Variants in TSHZ3 observed in about 807,000 individuals in gnomAD.
TSHZ3 encodes teashirt homolog 3.
In TSHZ3, 10 loss-of-function variants were observed where a neutral mutation model predicts 64.5. That is an observed-to-expected ratio of 0.16 (90% CI 0.10 to 0.26). The LOEUF (loss-of-function observed/expected upper bound fraction) is 0.26. Ranked by LOEUF, TSHZ3 falls within the 10% of genes least tolerant of loss-of-function variation. The probability of loss-of-function intolerance (pLI) is 1.00; values close to 1 mark genes in which losing one functional copy is unlikely to be tolerated. For synonymous variants in TSHZ3, 608 were observed against 593.1 expected (o/e 1.03, Z -0.36); for missense variants, 1,242 against 1,421.7 (o/e 0.87, Z 2.03).
At chr19:31,321,906 G>A (rs865781757) in intron 1 of TSHZ3, among the ~76,000 whole-genome samples, 37 of 151,716 alleles carry the variant, frequency 2.4e-4, no homozygotes, top group African/African-American at 8.0e-4. Flanking sequence ...AGGTATACAC[G>A]TACCATGGTG....
intron 1 of TSHZ3, among the ~76,000 whole-genome samples, chr19:31,288,825 G>A (rs1362849463): frequency 1.3e-5 from 2 of 152,208 alleles, no homozygotes; most frequent in East Asian, 1.9e-4. Flanking sequence ...ACAGGCTTGA[G>A]CCACGGAGCC....
intron 1 of TSHZ3, among the ~76,000 whole-genome samples, chr19:31,317,707 C>T (rs1414255479): frequency 2.0e-5 from 3 of 152,226 alleles, no homozygotes; most frequent in Non-Finnish European, 2.9e-5. Context: ...CCCCGCTGCT[C>T]CCAAGAAGGG....
intron 5 of TSHZ3, among the ~76,000 whole-genome samples, chr19:31,183,220 C>T (rs796577575): frequency 0.097 from 12,264 of 125,828 alleles, 695 homozygotes; most frequent in African/African-American, 0.2. Flanking sequence ...CTCTCTCTCT[C>T]TCTCTCTTTC....
intron 1 of TSHZ3, among the ~76,000 whole-genome samples, chr19:31,247,700 A>G (rs895077962): frequency 1.3e-5 from 2 of 152,136 alleles, no homozygotes; most frequent in Non-Finnish European, 2.9e-5. Flanking sequence ...TAACTTCCTG[A>G]TTTTTGTGTA....
chr19:31,170,187 C>A (rs944530566), intron 5 of TSHZ3, among the ~76,000 whole-genome samples: 3 of 152,126 alleles, frequency 2.0e-5, no homozygotes, highest in Non-Finnish European at 2.9e-5. Context: ...CAGGAGGCTG[C>A]AAGTTGGAGA....
chr19:31,210,077 A>G (rs1975243928), intron 4 of TSHZ3, among the ~76,000 whole-genome samples: 1 of 152,096 alleles, frequency 6.6e-6, no homozygotes, highest in African/African-American at 2.4e-5. Context: ...AGGGTGAAGG[A>G]AAGGAGACCA....
At chr19:31,194,958 G>C (rs1379735265) in intron 5 of TSHZ3, among the ~76,000 whole-genome samples, 1 of 152,140 alleles carries the variant, frequency 6.6e-6, no homozygotes, top group East Asian at 1.9e-4. Context: ...GCCTTTGATG[G>C]GCTTGTAGTA....
intron 1 of TSHZ3, among the ~76,000 whole-genome samples, chr19:31,344,296 G>A (rs906019451): frequency 9.2e-5 from 14 of 152,138 alleles, no homozygotes; most frequent in African/African-American, 3.1e-4. Context: ...GATGCTACAG[G>A]GGTGTGATAA....
At chr19:31,281,311 G>A (rs1173066081) in intron 1 of TSHZ3, among the ~76,000 whole-genome samples, 1 of 152,080 alleles carries the variant, frequency 6.6e-6, no homozygotes, top group East Asian at 1.9e-4. Context: ...ATTCCTTCCA[G>A]GACAGGTGTG....
At chr19:31,337,718 T>C (rs1466645979) in intron 1 of TSHZ3, among the ~76,000 whole-genome samples, 1 of 106,504 alleles carries the variant, frequency 9.4e-6, no homozygotes, top group Non-Finnish European at 1.7e-5. Flanking sequence ...TATTTCAAAA[T>C]AAACACACAC....
downstream of TSHZ3, among the ~76,000 whole-genome samples, chr19:31,272,477 A>C (rs939204342): frequency 6.6e-6 from 1 of 152,184 alleles, no homozygotes; most frequent in African/African-American, 2.4e-5. Flanking sequence ...TTGCAGAATG[A>C]AAATAGAATA....
chr19:31,209,629 C>A (rs772999370), intron 4 of TSHZ3, among the ~76,000 whole-genome samples: 1 of 152,112 alleles, frequency 6.6e-6, no homozygotes, highest in East Asian at 1.9e-4. Flanking sequence ...CGTTGTTAAG[C>A]GTTTGGTCAT....
At chr19:31,289,800 C>T (rs998055475) in intron 1 of TSHZ3, among the ~76,000 whole-genome samples, 4 of 152,322 alleles carry the variant, frequency 2.6e-5, no homozygotes, top group Middle Eastern at 3.4e-3. Flanking sequence ...ACCCCATGTC[C>T]GCTGGGCTTC....
At chr19:31,312,593 T>C (rs1218306568) in intron 1 of TSHZ3, among the ~76,000 whole-genome samples, 2 of 152,194 alleles carry the variant, frequency 1.3e-5, no homozygotes, top group Non-Finnish European at 2.9e-5. Flanking sequence ...CTTTTGGGGC[T>C]TTCAGGGCCC....
chr19:31,245,507 A>T (rs958497445), intron 1 of TSHZ3, among the ~76,000 whole-genome samples: 1 of 152,152 alleles, frequency 6.6e-6, no homozygotes, highest in Non-Finnish European at 1.5e-5. Context: ...TCAAAACAAA[A>T]CAACACAAAA....
chr19:31,315,588 C>G (rs539612998), intron 1 of TSHZ3, among the ~76,000 whole-genome samples: 10 of 152,190 alleles, frequency 6.6e-5, no homozygotes, highest in South Asian at 2.1e-4. Context: ...ATGGGCAAAG[C>G]ACTAAAAGGT....
intron 5 of TSHZ3, among the ~76,000 whole-genome samples, chr19:31,202,886 T>C (rs768010574): frequency 2.0e-4 from 31 of 152,206 alleles, no homozygotes; most frequent in East Asian, 5.8e-4. Flanking sequence ...ACACTGTTTA[T>C]TGAGTAACTA....
chr19:31,194,054 C>A (rs946783741), intron 5 of TSHZ3, among the ~76,000 whole-genome samples: 1 of 140,236 alleles, frequency 7.1e-6, no homozygotes, highest in East Asian at 2.1e-4. Flanking sequence ...GACAGATAAG[C>A]AAATACAGAG....
chr19:31,192,063 T>C (rs1974918043), intron 5 of TSHZ3, among the ~76,000 whole-genome samples: 1 of 152,196 alleles, frequency 6.6e-6, no homozygotes, highest in Non-Finnish European at 1.5e-5. Context: ...ATGAAGTACA[T>C]GGTTTTAGTT....
Sources: allele counts gnomAD v4.1 joint callset (sites outside exome capture counted in the v4.1 genomes callset), GRCh38; gene constraint gnomAD v4.1.1; transcripts MANE v1.5; gene names NCBI Gene and HGNC (gene_info 2026-07-23, HGNC 2026-07-21).